Variants in SEL1L3 observed in about 807,000 individuals in gnomAD.
SEL1L3 encodes the protein SEL1L family member 3, also known as protein sel-1 homolog 3.
Under a neutral mutation model 142.8 loss-of-function variants are expected in SEL1L3, and 76 were observed. That is an observed-to-expected ratio of 0.53 (90% CI 0.44 to 0.64). The LOEUF (loss-of-function observed/expected upper bound fraction) is 0.64, where lower values mean the gene tolerates loss of function less well. Ranked by LOEUF, SEL1L3 falls within the 30% of genes least tolerant of loss-of-function variation. The pLI, the probability that SEL1L3 is intolerant of heterozygous loss-of-function variation, is 0.00. For synonymous variants in SEL1L3, 504 were observed against 519.6 expected (o/e 0.97, Z 0.41); for missense variants, 1,262 against 1,381.7 (o/e 0.91, Z 1.37).
chr4:25,755,851 A>G lies in SEL1L3; in HGVS notation c.3259+1683T>C, dbSNP rs557896698. ...TCATCACAATATTTCTACAGAGTAA[A>G]AATGACAAAGACAATTTGAAATGGA... is the stretch of plus-strand genomic sequence containing the variant. On this transcript the variant is annotated intron_variant, in intron 23 of 23. Transcript: ENST00000399878. The G allele has an allele frequency of 3.6e-5, 35 of 981,548 alleles. No homozygotes were observed. In the South Asian group the frequency reaches 1.4e-3, roughly 40 times the overall value. 60.8% of individuals were successfully genotyped at this position (981,548 alleles called of 1,614,324 possible).
At chr4:25,750,969 A>G (rs545402131) in intron 23 of SEL1L3, among the ~76,000 whole-genome samples, 6 of 152,350 alleles carry the variant, frequency 3.9e-5, no homozygotes, top group East Asian at 1.9e-4. Context: ...ATCTTGCTCT[A>G]TATGGTGTAT....
chr4:25,807,459 T>C (rs1056393750), intron 9 of SEL1L3, among the ~76,000 whole-genome samples: 1 of 152,170 alleles, frequency 6.6e-6, no homozygotes, highest in Non-Finnish European at 1.5e-5. Context: ...CAGTAGACAC[T>C]GTAGCACTCA....
intron 11 of SEL1L3, among the ~76,000 whole-genome samples, chr4:25,800,110 T>G (rs1468474535): frequency 1.3e-5 from 2 of 152,228 alleles, no homozygotes; most frequent in African/African-American, 4.8e-5. Flanking sequence ...TGAAATGATG[T>G]GAACCACGAG....
At chr4:25,772,861 A>C (rs1326745774) in intron 17 of SEL1L3, among the ~76,000 whole-genome samples, 1 of 152,132 alleles carries the variant, frequency 6.6e-6, no homozygotes, top group Non-Finnish European at 1.5e-5. Flanking sequence ...GCAGTGGCTC[A>C]ATCTCAGCTC....
chr4:25,721,539 A>G, the SEL1L3 span, among the ~76,000 whole-genome samples: 2 of 152,158 alleles, frequency 1.3e-5, no homozygotes, highest in South Asian at 2.1e-4. Context: ...CATTGTACGA[A>G]TGCTGGGGGT....
the SEL1L3 span, among the ~76,000 whole-genome samples, chr4:25,740,656 A>G: frequency 1.3e-5 from 2 of 151,780 alleles, no homozygotes; most frequent in African/African-American, 2.4e-5. Flanking sequence ...GGGCTTTCTG[A>G]CCCCTAAATG....
intron 5 of SEL1L3, among the ~76,000 whole-genome samples, chr4:25,831,214 G>A (rs1291328717): frequency 6.6e-6 from 1 of 152,074 alleles, no homozygotes; most frequent in African/African-American, 2.4e-5. Flanking sequence ...GCAAGTTGAT[G>A]TCTAAACTCC....
In SEL1L3 at chr4:25,762,953, C is replaced by A. The variant is rs185717707; in HGVS notation, c.2955+2373G>T. 3.3e-4 allele frequency among the ~76,000 whole-genome samples: 47 copies of A among 143,642 alleles called. 1 individual carries two copies. The highest frequency in any genetic ancestry group is 1.2e-3 in the African/African-American group (45 of 38,546). The allele number at this position is 143,642 out of a possible 152,430, so 94.2% of individuals were successfully genotyped here. ...ATCATGCCACTGCACTCCAGCCTGG[C>A]GACAGAGTGAGACTCTGTGTCAAAA... On this transcript the variant is annotated intron_variant, in intron 20 of 23. Coordinates refer to ENST00000399878, the MANE Select transcript of SEL1L3 (RefSeq NM_015187.5).
At chr4:25,855,946 C>T (rs1296774464) in intron 1 of SEL1L3, among the ~76,000 whole-genome samples, 1 of 152,180 alleles carries the variant, frequency 6.6e-6, no homozygotes, top group Non-Finnish European at 1.5e-5. Context: ...TCGTTAATTC[C>T]TTCCAAAGAG....
chr4:25,722,623 G>GATTTTTTTTTTTTTTTT, the SEL1L3 span, among the ~76,000 whole-genome samples: 2 of 125,124 alleles, frequency 1.6e-5, no homozygotes, highest in African/African-American at 4.6e-5. Context: ...TCCAAAGGAG[G>GATTTTTTTTTTTTTTTT]CTTTTTTTTT....
intron 23 of SEL1L3, among the ~76,000 whole-genome samples, chr4:25,753,842 G>A (rs759297791): frequency 2.6e-5 from 4 of 152,024 alleles, no homozygotes; most frequent in Non-Finnish European, 5.9e-5. Flanking sequence ...AAATCAGCTG[G>A]GGGTGGTGGC....
At chr4:25,852,498 C>CAGTGTTAA (rs1716971646) in intron 1 of SEL1L3, among the ~76,000 whole-genome samples, 1 of 152,244 alleles carries the variant, frequency 6.6e-6, no homozygotes, top group South Asian at 2.1e-4. Flanking sequence ...ATGCAAATCA[C>CAGTGTTAA]AGTGTTAAGT....
chr4:25,776,552 T>C (rs1029000466), intron 16 of SEL1L3, 192 bp from the exon 17 acceptor site: 9 of 549,932 alleles, frequency 1.6e-5, no homozygotes, highest in Non-Finnish European at 2.9e-5. Flanking sequence ...GTGCCCTTTC[T>C]TATGAATGAT....
At chr4:25,768,100 T>C (rs1702328827) in intron 17 of SEL1L3, among the ~76,000 whole-genome samples, 1 of 152,206 alleles carries the variant, frequency 6.6e-6, no homozygotes, top group East Asian at 1.9e-4. Flanking sequence ...GGATGTTGGC[T>C]GGGGAGTTGT....
intron 13 of SEL1L3, among the ~76,000 whole-genome samples, chr4:25,787,885 T>C (rs1246999697): frequency 6.6e-6 from 1 of 152,190 alleles, no homozygotes; most frequent in East Asian, 1.9e-4. Context: ...AAGCTGTAAT[T>C]AAAAGAGAAC....
intron 3 of SEL1L3, 74 bp from the exon 4 acceptor site, chr4:25,833,643 C>T: frequency 1.5e-6 from 2 of 1,333,180 alleles, no homozygotes; most frequent in Non-Finnish European, 1.0e-6. Context: ...TTAACAATGA[C>T]CAAGTAAATT....
Position 25,818,156 on chromosome 4 carries a change from C to A in SEL1L3, c.1546G>T (p.Glu516Ter). The A allele has an allele frequency of 6.2e-7, 1 of 1,611,692 alleles. No homozygotes were observed. The highest frequency in any genetic ancestry group is 2.2e-5 in the East Asian group (1 of 44,846). The change falls in exon 9 of 24, where the codon GAG becomes TAG. Residue 516 changes from glutamate to a stop codon, truncating the protein, a stop_gained. Coordinates refer to ENST00000399878, the MANE Select transcript of SEL1L3 (RefSeq NM_015187.5). LOFTEE classifies it high-confidence loss of function. ...KHPSLFQALL[E>*]MDLLTVPRNQ... ...CAATTACCGGTCAGCAGATCCATCT[C>A]CAGCAATGCCTGGAACAAGCTGGGG... is the stretch of plus-strand genomic sequence containing the variant.
At chr4:25,858,134 A>G (rs976242799) in intron 1 of SEL1L3, among the ~76,000 whole-genome samples, 1 of 152,216 alleles carries the variant, frequency 6.6e-6, no homozygotes, top group Non-Finnish European at 1.5e-5. Context: ...CAGTCTATCC[A>G]TGTTTCCAGC....
At chr4:25,724,128 G>A in the SEL1L3 span, among the ~76,000 whole-genome samples, 1 of 152,142 alleles carries the variant, frequency 6.6e-6, no homozygotes, top group Non-Finnish European at 1.5e-5. Flanking sequence ...CTCAAGAAAA[G>A]ATCCTCTGGA....
Sources: allele counts gnomAD v4.1 joint callset (sites outside exome capture counted in the v4.1 genomes callset), GRCh38; gene constraint gnomAD v4.1.1; transcripts MANE v1.5; gene names NCBI Gene and HGNC (gene_info 2026-07-23, HGNC 2026-07-21).